Variants in CREB5 observed in about 807,000 individuals in gnomAD.
CREB5 encodes cAMP responsive element binding protein 5.
In CREB5, 19 loss-of-function variants were observed where a neutral mutation model predicts 57.1. That is an observed-to-expected ratio of 0.33 (90% confidence interval 0.23 to 0.49). CREB5 has a LOEUF of 0.49. CREB5 is among the 20% of genes least tolerant of loss of function. The pLI is 0.99. For synonymous variants in CREB5, 238 were observed against 238.3 expected (o/e 1.00, Z 0.01); for missense variants, 579 against 671.6 (o/e 0.86, Z 1.52).
chr7:28,585,707 C>T (rs1463760548), intron 5 of CREB5, among the ~76,000 whole-genome samples: 2 of 152,060 alleles, frequency 1.3e-5, no homozygotes, highest in South Asian at 2.1e-4. Flanking sequence ...CCAATAAAGC[C>T]CCACCACCAG....
intron 1 of CREB5, among the ~76,000 whole-genome samples, chr7:28,482,325 G>C (rs772047126): frequency 2.6e-5 from 4 of 152,236 alleles, no homozygotes; most frequent in Non-Finnish European, 5.9e-5. Context: ...TTTGGTGAAT[G>C]TGTGTTGGGT....
chr7:28,387,634 G>A (rs542694638), intron 1 of CREB5, among the ~76,000 whole-genome samples: 1 of 152,200 alleles, frequency 6.6e-6, no homozygotes, highest in Admixed American at 6.5e-5. Context: ...GCCTGTCAGA[G>A]GGTGGAGGGG....
intron 5 of CREB5, among the ~76,000 whole-genome samples, chr7:28,628,984 G>A (rs890295917): frequency 6.6e-6 from 1 of 152,030 alleles, no homozygotes. Flanking sequence ...CCCTCTTCCC[G>A]CTTAATTTAG....
At chr7:28,496,510 C>T (rs1583538604) in intron 3 of CREB5, among the ~76,000 whole-genome samples, 2 of 152,124 alleles carry the variant, frequency 1.3e-5, no homozygotes, top group South Asian at 4.2e-4. Flanking sequence ...AGGAAGGGCA[C>T]AGGTGATGGA....
chr7:28,394,070 CAAAAAAAAAAAAAAAAAAAAA>C (rs56166148), intron 1 of CREB5, among the ~76,000 whole-genome samples: 3 of 53,014 alleles, frequency 5.7e-5, no homozygotes, highest in African/African-American at 3.2e-4. Flanking sequence ...GACTCTGTCT[CAAAAAAAAAAAAAAAAAAAAA>C]AAAAAAAAAA....
chr7:28,373,829 TA>T (rs1200415959), intron 1 of CREB5, among the ~76,000 whole-genome samples: 2 of 151,804 alleles, frequency 1.3e-5, no homozygotes, highest in Non-Finnish European at 2.9e-5. Context: ...TGAAAGCACT[TA>T]AAAAATAAGT....
At chr7:28,737,838 A>G (rs1276559869) in intron 7 of CREB5, among the ~76,000 whole-genome samples, 1 of 151,948 alleles carries the variant, frequency 6.6e-6, no homozygotes, top group Non-Finnish European at 1.5e-5. Context: ...AACTCATGGG[A>G]GTTATACAGC....
At chr7:28,331,512 A>G (rs1053421152) in intron 1 of CREB5, among the ~76,000 whole-genome samples, 1 of 152,120 alleles carries the variant, frequency 6.6e-6, no homozygotes, top group Admixed American at 6.5e-5. Flanking sequence ...GACGTGTGCA[A>G]ATGACTAAAA....
rs373447544 is a variant in CREB5, at chr7:28,804,327, C to A, written c.831C>A (p.His277Gln). 1.9e-6 allele frequency: 3 copies of A among 1,613,928 alleles called. No homozygotes were observed. The highest frequency in any genetic ancestry group is 2.5e-6 in the Non-Finnish European group (3 of 1,179,916). ...CGCCACACCATCACATGCACTCGCA[C>A]CCGCATCAGCACCAGACACTGCCAC... ...DQTPHHHMHS[H>Q]PHQHQTLPPH... is the part of the protein sequence containing the mutation. The change falls in exon 8 of 11, where the codon CAC becomes CAA. Residue 277 changes from histidine (H) to glutamine (Q), a missense_variant. Transcript: ENST00000357727.
intron 9 of CREB5, among the ~76,000 whole-genome samples, chr7:28,814,577 A>C (rs1258677936): frequency 2.0e-5 from 3 of 152,242 alleles, no homozygotes; most frequent in African/African-American, 7.2e-5. Flanking sequence ...TAAGTAATGA[A>C]TAAAAGTCAA....
chr7:28,494,941 G>T lies in CREB5; in HGVS notation c.111G>T (p.Arg37Ser). The change falls in exon 3 of 11, where the codon AGG (arginine) becomes AGT (serine). Residue 37 changes from arginine to serine, a missense_variant. Arg to Ser is a moderately radical substitution (Grantham distance 110). Transcript: ENST00000357727. ...CAGAGGACCATCTGATGATTCATAGGCACAAACATGAAATGACTTTGAAGT... is the reference window on the plus strand; with the variant it reads ...CAGAGGACCATCTGATGATTCATAGTCACAAACATGAAATGACTTTGAAGT... ...FPTEDHLMIH[R>S]HKHEMTLKFP... The T allele has an allele frequency of 6.2e-7, 1 of 1,607,622 alleles. No individual in the cohort carries two copies. The highest frequency in any genetic ancestry group is 8.5e-7 in the Non-Finnish European group (1 of 1,178,510).
At chr7:28,697,429 A>T (rs1801633636) in intron 5 of CREB5, among the ~76,000 whole-genome samples, 1 of 152,158 alleles carries the variant, frequency 6.6e-6, no homozygotes, top group Admixed American at 6.5e-5. Context: ...CTACTTTTTA[A>T]GAAATCCTCT....
chr7:28,736,510 T>C (rs1803988718), intron 7 of CREB5, among the ~76,000 whole-genome samples: 1 of 152,186 alleles, frequency 6.6e-6, no homozygotes, highest in African/African-American at 2.4e-5. Flanking sequence ...TTATCTTCTT[T>C]AATTATCCCA....
chr7:28,314,478 G>A (rs909463800), intron 1 of CREB5, among the ~76,000 whole-genome samples: 3 of 152,274 alleles, frequency 2.0e-5, no homozygotes, highest in South Asian at 2.1e-4. Flanking sequence ...AAGCACGATG[G>A]CTTTGTGTTC....
intron 1 of CREB5, among the ~76,000 whole-genome samples, chr7:28,404,489 T>G (rs995385888): frequency 6.6e-6 from 1 of 152,138 alleles, no homozygotes; most frequent in Non-Finnish European, 1.5e-5. Context: ...CACTGGAATT[T>G]GGTGCTCCTG....
chr7:28,788,237 T>C (rs1859682), intron 7 of CREB5, among the ~76,000 whole-genome samples: 128,428 of 151,976 alleles, frequency 0.85, 55,152 homozygotes, highest in African/African-American at 0.95. Context: ...GATGCCAGTA[T>C]CACAGCACCC....
intron 4 of CREB5, among the ~76,000 whole-genome samples, chr7:28,524,036 GTGAA>G (rs1793320108): frequency 6.6e-6 from 1 of 152,198 alleles, no homozygotes; most frequent in African/African-American, 2.4e-5. Flanking sequence ...ACTGGAATGA[GTGAA>G]TGAATGAACA....
intron 5 of CREB5, among the ~76,000 whole-genome samples, chr7:28,705,978 C>T (rs943195833): frequency 1.1e-4 from 17 of 152,056 alleles, no homozygotes; most frequent in Non-Finnish European, 2.9e-5. Context: ...AGAGAAATAT[C>T]GAAATAAAAC....
At chr7:28,470,984 G>A (rs73075889) in intron 1 of CREB5, among the ~76,000 whole-genome samples, 13,733 of 152,050 alleles carry the variant, frequency 0.09, 1,119 homozygotes, top group East Asian at 0.43. Context: ...TTAATCCCTC[G>A]TCAGATGGGT....
Sources: gnomAD v4.1 joint callset for allele counts (sites outside exome capture counted in the v4.1 genomes callset) on GRCh38, gnomAD v4.1.1 for gene constraint, MANE v1.5 for transcripts, NCBI Gene and HGNC (gene_info 2026-07-23, HGNC 2026-07-21) for gene names.